The following TBC1D22A variants were observed in gnomAD, a reference collection of about 807,000 sequenced individuals.
TBC1D22A encodes putative GTPase activator.
In TBC1D22A, 38 loss-of-function variants were observed where a neutral mutation model predicts 60.2. The ratio of observed to expected loss-of-function variants is 0.63; its 90% CI spans 0.49 to 0.83. The LOEUF (loss-of-function observed/expected upper bound fraction) is 0.83. Among genes scored for constraint, TBC1D22A ranks in the 40% least tolerant of loss-of-function variants. The pLI is 0.00. For missense variants in TBC1D22A, 628 were observed against 701.0 expected, an observed-to-expected ratio of 0.90 and a Z score of 1.18; for synonymous variants, 302 against 281.7, an observed-to-expected ratio of 1.07 and a Z score of -0.72.
intron 4 of TBC1D22A, among the ~76,000 whole-genome samples, chr22:46,862,057 G>A (rs1325991089): frequency 2.6e-5 from 4 of 152,326 alleles, no homozygotes; most frequent in East Asian, 1.9e-4. Context: ...TCAGGACAGC[G>A]TAGTGGGGCC....
rs563909556 is a variant in TBC1D22A at position 47,009,308 on chromosome 22, A to G, written c.1201+11599A>G. ...CACCAGCATCATAAACACCATCATC[A>G]CCACCATCATGTCATCATCACCATC... On this transcript the variant is annotated intron_variant, in intron 10 of 12. Coordinates refer to ENST00000337137, the MANE Select transcript of TBC1D22A (RefSeq NM_014346.5). This position sits in a 1 kb window ranked among gnomAD's most constrained non-coding sequence, Gnocchi z 5.8. Among the ~76,000 whole-genome samples the G allele has an allele frequency of 2.5e-4, 38 of 151,866 alleles. No individual in the cohort carries two copies. Among genetic ancestry groups the G allele is most frequent in the African/African-American group, 8.7e-4 (36 of 41,390 alleles).
At chr22:47,005,397 C>T (rs2061552550) in intron 10 of TBC1D22A, among the ~76,000 whole-genome samples, 1 of 151,264 alleles carries the variant, frequency 6.6e-6, no homozygotes, top group South Asian at 2.1e-4. Context: ...CCTATGCACG[C>T]ACCAATACAC....
intron 4 of TBC1D22A, among the ~76,000 whole-genome samples, chr22:46,864,610 G>A (rs2066965129): frequency 6.6e-6 from 1 of 152,204 alleles, no homozygotes; most frequent in African/African-American, 2.4e-5. Context: ...TTTTGGATTG[G>A]TGGTTTTCTC....
intron 12 of TBC1D22A, among the ~76,000 whole-genome samples, chr22:47,155,737 C>T (rs116748055): frequency 5.9e-5 from 9 of 151,920 alleles, no homozygotes; most frequent in African/African-American, 2.2e-4. Context: ...GATGGGCTGG[C>T]GCCAGCGCAG....
chr22:46,814,488 G>A (rs2085509189), intron 4 of TBC1D22A, among the ~76,000 whole-genome samples: 1 of 152,128 alleles, frequency 6.6e-6, no homozygotes, highest in African/African-American at 2.4e-5. Context: ...CAGGAAGAAA[G>A]ATAAAAACCC....
intron 12 of TBC1D22A, among the ~76,000 whole-genome samples, chr22:47,161,365 G>C (rs2067979927): frequency 1.3e-5 from 2 of 152,248 alleles, no homozygotes; most frequent in East Asian, 3.9e-4. Flanking sequence ...CTTCCCGCCT[G>C]GCTGCCACCT....
intron 11 of TBC1D22A, among the ~76,000 whole-genome samples, chr22:47,111,184 A>C (rs1334567271): frequency 2.0e-5 from 3 of 152,234 alleles, no homozygotes; most frequent in African/African-American, 7.2e-5. Context: ...GCATGGCACC[A>C]GCACACGTTG....
At chr22:46,913,104 T>C (rs954891461) in intron 8 of TBC1D22A, among the ~76,000 whole-genome samples, 1 of 152,362 alleles carries the variant, frequency 6.6e-6, no homozygotes, top group Middle Eastern at 3.4e-3. Context: ...ATTTTTCCTT[T>C]ATCACAGTCA....
intron 10 of TBC1D22A, among the ~76,000 whole-genome samples, chr22:47,018,421 A>T (rs1018880102): frequency 6.6e-6 from 1 of 152,182 alleles, no homozygotes; most frequent in South Asian, 2.1e-4. Flanking sequence ...TTTTAATGCA[A>T]TCTGAGGAGA....
At chr22:46,928,940 A>G (rs1602522356) in intron 8 of TBC1D22A, among the ~76,000 whole-genome samples, 2 of 152,300 alleles carry the variant, frequency 1.3e-5, no homozygotes, top group South Asian at 4.1e-4. Context: ...AAGGATGTGG[A>G]GAAATTAGAA....
intron 11 of TBC1D22A, among the ~76,000 whole-genome samples, chr22:47,088,561 A>G (rs888081776): frequency 5.3e-5 from 8 of 152,230 alleles, no homozygotes; most frequent in African/African-American, 1.9e-4. Flanking sequence ...ATAAAAGGAA[A>G]GAGTCAAGAA....
rs745361736 is a variant in TBC1D22A at position 46,912,103 on chromosome 22, G to C, written c.930G>C (p.Ala310=). Residue 310 remains alanine, a synonymous_variant, in exon 8 of 13, where the codon GCG becomes GCC. Transcript: ENST00000337137. The stretch of plus-strand genomic sequence containing the variant: ...TTGAAAGGATCTTGTTCATATGGGC[G>C]ATCCGCCACCCAGCCAGTGGATACG... The part of the protein sequence containing the change: ...EIFERILFIW[A]IRHPASGYVQ... 5.6e-6 allele frequency: 9 copies of C among 1,613,618 alleles called. No homozygotes were observed. The South Asian group carries it at 9.9e-5, about 18-fold the overall frequency.
At chr22:47,043,998 G>A (rs147958982) in intron 11 of TBC1D22A, among the ~76,000 whole-genome samples, 1 of 152,192 alleles carries the variant, frequency 6.6e-6, no homozygotes, top group African/African-American at 2.4e-5. Flanking sequence ...GCCTGTCTGA[G>A]CAGGGCAGGG....
At chr22:46,913,250 G>A in intron 8 of TBC1D22A, 2 of 1,041,312 alleles carry the variant, frequency 1.9e-6, no homozygotes, top group Non-Finnish European at 2.6e-6. Context: ...TTTAGTCACA[G>A]CATTTTAATT....
At chr22:47,069,706 C>T (rs1569415895) in intron 11 of TBC1D22A, among the ~76,000 whole-genome samples, 3 of 114,774 alleles carry the variant, frequency 2.6e-5, no homozygotes, top group South Asian at 3.3e-4. Flanking sequence ...GCGGGGCTGA[C>T]CTGACGGTCC....
chr22:47,099,579 G>A (rs1378442468), intron 11 of TBC1D22A, among the ~76,000 whole-genome samples: 1 of 151,972 alleles, frequency 6.6e-6, no homozygotes, highest in Non-Finnish European at 1.5e-5. Context: ...CCGAGTAGCT[G>A]GGACTACAGG....
At chr22:46,941,206 T>TACACACACACACACACACAC (rs1555959638) in intron 8 of TBC1D22A, among the ~76,000 whole-genome samples, 6 of 55,786 alleles carry the variant, frequency 1.1e-4, no homozygotes, top group Non-Finnish European at 2.1e-4. Context: ...TGTATATATG[T>TACACACACACACACACACAC]ATACACACAC....
chr22:46,904,159 C>G (rs2069267786), intron 7 of TBC1D22A, among the ~76,000 whole-genome samples: 1 of 151,278 alleles, frequency 6.6e-6, no homozygotes, highest in Admixed American at 6.6e-5. Flanking sequence ...ACCTACCTAC[C>G]TACCTACCTA....
intron 11 of TBC1D22A, among the ~76,000 whole-genome samples, chr22:47,093,338 T>C (rs915731527): frequency 1.3e-5 from 2 of 152,144 alleles, no homozygotes; most frequent in Non-Finnish European, 2.9e-5. Context: ...TGCTAAAATA[T>C]GTAAATCAAG....
Sources: allele counts gnomAD v4.1 joint callset (sites outside exome capture counted in the v4.1 genomes callset), GRCh38; gene constraint gnomAD v4.1.1; non-coding constraint Gnocchi (gnomAD v3.1); transcripts MANE v1.5; gene names NCBI Gene and HGNC (gene_info 2026-07-23, HGNC 2026-07-21).